FAM171A1: variants seen among roughly 807,000 people sequenced by gnomAD.
The protein encoded by FAM171A1 is family with sequence similarity 171 member A1.
A neutral mutation model predicts 74.9 loss-of-function variants in FAM171A1; 23 were observed. The observed-to-expected ratio is 0.31, with a 90% confidence interval of 0.22 to 0.44. FAM171A1 has a LOEUF of 0.44. Ranked by LOEUF, FAM171A1 falls within the 20% of genes least tolerant of loss-of-function variation. FAM171A1 has a pLI of 1.00. For missense variants in FAM171A1, 1,162 were observed against 1,159.2 expected (o/e 1.00, Z -0.03); for synonymous variants, 527 against 505.7 (o/e 1.04, Z -0.57).
At chr10:15,331,863 A>G (rs1835639896) in intron 1 of FAM171A1, among the ~76,000 whole-genome samples, 1 of 98,362 alleles carries the variant, frequency 1.0e-5, no homozygotes, top group Non-Finnish European at 1.9e-5. Context: ...ATGTGTGTAT[A>G]TATATGTGTG....
intron 5 of FAM171A1, among the ~76,000 whole-genome samples, chr10:15,224,048 G>A (rs1466462408): frequency 6.6e-6 from 1 of 152,230 alleles, no homozygotes; most frequent in African/African-American, 2.4e-5. Flanking sequence ...TGGTGCTGGT[G>A]GAGGCCAGAA....
chr10:15,273,488 T>C (rs957847177), intron 3 of FAM171A1, among the ~76,000 whole-genome samples: 3 of 152,204 alleles, frequency 2.0e-5, no homozygotes, highest in Non-Finnish European at 2.9e-5. Context: ...TACCATTCCT[T>C]GTAAAACTAT....
At chr10:15,223,555 C>G (rs956014106) in intron 5 of FAM171A1, among the ~76,000 whole-genome samples, 2 of 152,184 alleles carry the variant, frequency 1.3e-5, no homozygotes, top group East Asian at 1.9e-4. Flanking sequence ...CCCTAAGTTG[C>G]CTTTCCCTTC....
intron 6 of FAM171A1, among the ~76,000 whole-genome samples, chr10:15,217,291 A>C (rs1417300764): frequency 4.6e-5 from 7 of 152,238 alleles, no homozygotes; most frequent in Non-Finnish European, 1.0e-4. Flanking sequence ...GTTTCCTGGC[A>C]GTGTATGAAT....
intron 1 of FAM171A1, among the ~76,000 whole-genome samples, chr10:15,286,513 G>T (rs924047597): frequency 6.6e-6 from 1 of 152,048 alleles, no homozygotes; most frequent in Non-Finnish European, 1.5e-5. Context: ...AACTCCTGAT[G>T]TCAGGTGATC....
intron 1 of FAM171A1, among the ~76,000 whole-genome samples, chr10:15,300,002 G>C (rs1178080498): frequency 6.6e-6 from 1 of 151,814 alleles, no homozygotes; most frequent in Non-Finnish European, 1.5e-5. Context: ...GGGCAAAAAG[G>C]CAAGCTGAAG....
Position 15,213,831 on chromosome 10 carries a change from T to C in FAM171A1, c.1757A>G (p.His586Arg), listed in dbSNP as rs141846378. ...KVLPALVIPA[H>R]YMKLPGDHSY... ...GTGGTCCCCGGGGAGTTTCATATAA[T>C]GAGCCGGGATGACCAAGGCAGGCAG... is the stretch of plus-strand genomic sequence containing the variant. Residue 586 changes from histidine (H) to arginine (R), a missense_variant, in exon 8 of 8, where the codon CAT (histidine) becomes CGT (arginine). Coordinates refer to ENST00000378116, the MANE Select transcript of FAM171A1 (RefSeq NM_001010924.2). This position sits in a 1 kb window ranked among gnomAD's most constrained non-coding sequence, Gnocchi z 6.8. 12 of 1,614,008 alleles carry C rather than the reference T, an allele frequency of 7.4e-6. No homozygotes were observed. The highest frequency in any genetic ancestry group is 1.0e-5 in the Non-Finnish European group (12 of 1,180,022).
chr10:15,237,008 G>A (rs549800946), intron 5 of FAM171A1, among the ~76,000 whole-genome samples: 27 of 152,270 alleles, frequency 1.8e-4, no homozygotes, highest in East Asian at 1.5e-3. Flanking sequence ...CAGGAGAACC[G>A]CTTGAACCTG....
intron 6 of FAM171A1, among the ~76,000 whole-genome samples, chr10:15,217,908 G>T (rs1054303640): frequency 3.3e-5 from 5 of 152,106 alleles, no homozygotes; most frequent in African/African-American, 4.8e-5. Context: ...TGGGATTACA[G>T]GCATGAGCCA....
At chr10:15,219,738 C>G (rs183122167) in intron 6 of FAM171A1, among the ~76,000 whole-genome samples, 2 of 152,292 alleles carry the variant, frequency 1.3e-5, no homozygotes, top group African/African-American at 4.8e-5. Context: ...TGTGCCACCA[C>G]GCCCAGCTAA....
chr10:15,291,196 A>C (rs1310316067), intron 1 of FAM171A1, among the ~76,000 whole-genome samples: 1 of 152,044 alleles, frequency 6.6e-6, no homozygotes, highest in African/African-American at 2.4e-5. Context: ...GCCCCTCAAG[A>C]ATAGGGGCTT....
chr10:15,236,260 T>A (rs1564618867), intron 5 of FAM171A1, among the ~76,000 whole-genome samples: 1 of 143,824 alleles, frequency 7.0e-6, no homozygotes, highest in African/African-American at 2.6e-5. Flanking sequence ...GGCTTTCCTG[T>A]ACCTGTCCTT....
At chr10:15,244,333 C>T (rs370124018) in intron 5 of FAM171A1, among the ~76,000 whole-genome samples, 74 of 152,212 alleles carry the variant, frequency 4.9e-4, no homozygotes, top group East Asian at 9.7e-4. Context: ...CCAGCTTGGG[C>T]GACAGAGTGA....
intron 2 of FAM171A1, among the ~76,000 whole-genome samples, chr10:15,277,778 T>C (rs879278628): frequency 1.3e-5 from 2 of 150,854 alleles, no homozygotes; most frequent in African/African-American, 2.4e-5. Flanking sequence ...TTTTTTGAGA[T>C]GCAGTTTCGC....
Position 15,283,405 on chromosome 10 carries a change from C to T in FAM171A1, c.325+473G>A, listed in dbSNP as rs17156515. 9.9e-3 allele frequency among the ~76,000 whole-genome samples: 1,514 copies of T among 152,312 alleles called. 25 individuals are homozygous for T. The highest frequency in any genetic ancestry group is 0.034 in the African/African-American group (1,418 of 41,562). The stretch of plus-strand genomic sequence containing the variant: ...TTTCTTATGAACTCTCCTAGATGAT[C>T]TCCATTGTATCTGTATCAAATCCAC... On this transcript the variant is annotated intron_variant, in intron 2 of 7. Coordinates refer to ENST00000378116, the MANE Select transcript of FAM171A1 (RefSeq NM_001010924.2).
At chr10:15,276,418 A>T (rs1334416384) in intron 2 of FAM171A1, among the ~76,000 whole-genome samples, 1 of 152,188 alleles carries the variant, frequency 6.6e-6, no homozygotes, top group East Asian at 1.9e-4. Flanking sequence ...TGACTTCGTG[A>T]TCCACCTGCC....
chr10:15,222,106 G>A (rs1834046009), intron 5 of FAM171A1, among the ~76,000 whole-genome samples: 1 of 152,076 alleles, frequency 6.6e-6, no homozygotes, highest in African/African-American at 2.4e-5. Context: ...GACAGCCCGC[G>A]CACCCACTCC....
At chr10:15,229,117 G>A (rs1281725129) in intron 5 of FAM171A1, among the ~76,000 whole-genome samples, 1 of 152,176 alleles carries the variant, frequency 6.6e-6, no homozygotes, top group Non-Finnish European at 1.5e-5. Flanking sequence ...AGACGTGATT[G>A]TCCACACTGT....
At chr10:15,370,304 C>A (rs987177753) in intron 1 of FAM171A1, among the ~76,000 whole-genome samples, 8 of 143,068 alleles carry the variant, frequency 5.6e-5, no homozygotes, top group Non-Finnish European at 9.0e-5. Context: ...TCTTCCCTTA[C>A]AGAGAAGACT....
Sources: allele counts gnomAD v4.1 joint callset (sites outside exome capture counted in the v4.1 genomes callset), GRCh38; gene constraint gnomAD v4.1.1; non-coding constraint Gnocchi (gnomAD v3.1); transcripts MANE v1.5; gene names NCBI Gene and HGNC (gene_info 2026-07-23, HGNC 2026-07-21).